The following FMNL2 variants were observed in gnomAD, a reference collection of about 807,000 sequenced individuals.
The protein encoded by FMNL2 is formin-like protein 2.
Under a neutral mutation model 130.2 loss-of-function variants are expected in FMNL2, and 51 were observed. The observed-to-expected ratio is 0.39, with a 90% CI of 0.31 to 0.49. The LOEUF (loss-of-function observed/expected upper bound fraction) is 0.49. FMNL2 is among the 20% of genes least tolerant of loss of function. The pLI is 0.85. For missense variants in FMNL2, 977 were observed against 1,316.2 expected (o/e 0.74, Z 3.99); for synonymous variants, 465 against 467.1 (o/e 1.00, Z 0.06).
At chr2:152,525,621 G>A (rs1390511446) in intron 2 of FMNL2, among the ~76,000 whole-genome samples, 4 of 152,206 alleles carry the variant, frequency 2.6e-5, no homozygotes, top group African/African-American at 7.2e-5. Context: ...TATATAAAGC[G>A]ATGGAGAGAA....
chr2:152,335,804 C>A, intron 1 of FMNL2, 84 bp downstream of exon 1: 1 of 1,033,052 alleles, frequency 9.7e-7, no homozygotes, highest in Non-Finnish European at 1.3e-6. Context: ...CCCCTTCACC[C>A]CGTGCCGGGA....
intron 1 of FMNL2, among the ~76,000 whole-genome samples, chr2:152,507,264 T>A (rs1692223867): frequency 6.6e-6 from 1 of 152,258 alleles, no homozygotes; most frequent in South Asian, 2.1e-4. Flanking sequence ...ATCCATTGTG[T>A]TTATGGCACC....
intron 1 of FMNL2, among the ~76,000 whole-genome samples, chr2:152,452,401 C>T (rs893737707): frequency 1.3e-5 from 2 of 152,174 alleles, no homozygotes; most frequent in African/African-American, 4.8e-5. Context: ...GAGTTTTGGT[C>T]CTGGAGTCGC....
At chr2:152,496,058 C>T (rs1691505138) in intron 1 of FMNL2, among the ~76,000 whole-genome samples, 1 of 152,114 alleles carries the variant, frequency 6.6e-6, no homozygotes, top group Non-Finnish European at 1.5e-5. Context: ...ATCTTTCTTA[C>T]TTTCCCCAAA....
intron 1 of FMNL2, among the ~76,000 whole-genome samples, chr2:152,485,559 T>C (rs1424614470): frequency 6.6e-6 from 1 of 152,216 alleles, no homozygotes; most frequent in East Asian, 1.9e-4. Flanking sequence ...GATAGATAGA[T>C]AGATATAGTT....
At chr2:152,507,587 T>C (rs1692244497) in intron 1 of FMNL2, among the ~76,000 whole-genome samples, 1 of 152,210 alleles carries the variant, frequency 6.6e-6, no homozygotes, top group South Asian at 2.1e-4. Context: ...GTTCAAGTAA[T>C]TTAAGTGATT....
intron 1 of FMNL2, among the ~76,000 whole-genome samples, chr2:152,430,670 C>T (rs1344195288): frequency 2.6e-5 from 4 of 152,044 alleles, no homozygotes; most frequent in Admixed American, 6.5e-5. Context: ...CTCAGGAGTT[C>T]GAGACCACTC....
intron 9 of FMNL2, 67 bp from the exon 10 acceptor site, chr2:152,607,272 T>C: frequency 7.7e-7 from 1 of 1,290,484 alleles, no homozygotes; most frequent in South Asian, 1.2e-5. Context: ...AAGCTGAAAT[T>C]TCTGCATCTA....
chr2:152,622,756 T>C (rs1236094984), intron 15 of FMNL2, among the ~76,000 whole-genome samples: 1 of 152,026 alleles, frequency 6.6e-6, no homozygotes, highest in Non-Finnish European at 1.5e-5. Flanking sequence ...GAGACTATTG[T>C]CCTTGAAGCA....
intron 1 of FMNL2, among the ~76,000 whole-genome samples, chr2:152,394,372 C>G (rs1685282053): frequency 6.6e-6 from 1 of 152,036 alleles, no homozygotes; most frequent in South Asian, 2.1e-4. Context: ...GCTTTTGAAT[C>G]CTCCTGGTTA....
chr2:152,592,356 C>G (rs1697487551), intron 9 of FMNL2, among the ~76,000 whole-genome samples: 1 of 152,076 alleles, frequency 6.6e-6, no homozygotes, highest in Non-Finnish European at 1.5e-5. Context: ...CTATGTGAGT[C>G]AAGTTCAAAT....
intron 1 of FMNL2, among the ~76,000 whole-genome samples, chr2:152,502,092 T>C (rs1691872011): frequency 6.6e-6 from 1 of 152,168 alleles, no homozygotes; most frequent in African/African-American, 2.4e-5. Context: ...TAGGGTAAGT[T>C]CTTCTTGTGG....
At chr2:152,520,731 TG>T (rs935886619) in intron 1 of FMNL2, among the ~76,000 whole-genome samples, 3 of 152,168 alleles carry the variant, frequency 2.0e-5, no homozygotes, top group African/African-American at 7.2e-5. Flanking sequence ...GGAAAATGCT[TG>T]GTTTAATTTA....
rs1683843951 is a variant in FMNL2 at position 152,648,899 on chromosome 2, T to A, written c.*994T>A. The A allele has an allele frequency of 6.6e-6, 1 of 152,578 alleles. No individual in the cohort carries two copies. The highest frequency in any genetic ancestry group is 1.5e-5 in the Non-Finnish European group (1 of 68,034). The allele number at this position is 152,578 out of a possible 1,614,324, so 9.5% of individuals were successfully genotyped here. ...CCAGACTACTTATGGAGAATTGCAG[T>A]TTAAGTTGCTGAAAAGTATTAACAT... On this transcript the variant is annotated 3_prime_UTR_variant, in exon 26 of 26. Coordinates refer to ENST00000288670, the MANE Select transcript of FMNL2 (RefSeq NM_052905.4).
At position 152,335,615 on chromosome 2, in the gene FMNL2, A is replaced by C. The variant is rs1242841801; in HGVS notation, c.12A>C (p.Ala4=). The change falls in exon 1 of 26, where the codon GCA becomes GCC. Residue 4 remains alanine (A), a synonymous_variant. Coordinates refer to ENST00000288670, the MANE Select transcript of FMNL2 (RefSeq NM_052905.4). The part of the protein sequence containing the change: MGN[A]GSMDSQQTDF... ...GGCGCGCCGCCGACATGGGCAACGC[A>C]GGGAGCATGGATTCGCAGCAGACCG... 2 of 1,588,192 alleles carry C rather than the reference A, an allele frequency of 1.3e-6. No individual in the cohort carries two copies. The highest frequency in any genetic ancestry group is 2.8e-5 in the African/African-American group (2 of 71,566).
chr2:152,379,067 GTATTTTC>G (rs1472732148), intron 1 of FMNL2, among the ~76,000 whole-genome samples: 1 of 147,726 alleles, frequency 6.8e-6, no homozygotes, highest in East Asian at 2.1e-4. Flanking sequence ...ACTGTACTGT[GTATTTTC>G]TAATATTCTT....
chr2:152,344,135 G>A (rs1681972680), intron 1 of FMNL2, among the ~76,000 whole-genome samples: 1 of 152,158 alleles, frequency 6.6e-6, no homozygotes, highest in African/African-American at 2.4e-5. Flanking sequence ...CTGGGCAACA[G>A]AGCAAGACTA....
chr2:152,647,792 A>G lies in FMNL2; in HGVS notation c.3170-4A>G, dbSNP rs1412643989. The G allele has an allele frequency of 1.4e-5, 23 of 1,613,694 alleles. No individual in the cohort carries two copies. Among genetic ancestry groups the G allele is most frequent in the Non-Finnish European group, 1.9e-5 (23 of 1,179,772 alleles). ...TTCTCTCACTGGCACTCTCCCCTTT[A>G]CAGATCTTAGAAACCAACCATACAG... On this transcript the variant is annotated splice_region_variant and splice_polypyrimidine_tract_variant and intron_variant, in intron 25 of 25. Coordinates refer to ENST00000288670, the MANE Select transcript of FMNL2 (RefSeq NM_052905.4).
At chr2:152,437,739 C>T (rs1687841306) in intron 1 of FMNL2, among the ~76,000 whole-genome samples, 1 of 152,154 alleles carries the variant, frequency 6.6e-6, no homozygotes, top group Admixed American at 6.5e-5. Flanking sequence ...ATTCAAACAA[C>T]AGAAACAAAA....
Sources: allele counts gnomAD v4.1 joint callset (sites outside exome capture counted in the v4.1 genomes callset), GRCh38; gene constraint gnomAD v4.1.1; transcripts MANE v1.5; gene names NCBI Gene and HGNC (gene_info 2026-07-23, HGNC 2026-07-21).